The following TTC13 variants were observed in gnomAD, a reference collection of about 807,000 sequenced individuals.
TTC13 encodes the protein tetratricopeptide repeat protein 13.
Under a neutral mutation model 120.0 loss-of-function variants are expected in TTC13, and 62 were observed. The observed-to-expected ratio is 0.52, with a 90% CI of 0.42 to 0.64. The LOEUF (loss-of-function observed/expected upper bound fraction) is 0.64. Among genes scored for constraint, TTC13 ranks in the 30% least tolerant of loss-of-function variants. TTC13 has a pLI of 0.00. For missense variants in TTC13, 824 were observed against 1,050.2 expected, an observed-to-expected ratio of 0.78 and a Z score of 2.98; for synonymous variants, 384 against 393.5, an observed-to-expected ratio of 0.98 and a Z score of 0.28.
chr1:230,940,384 AG>A lies in TTC13; in HGVS notation c.789+55del. The A allele has an allele frequency of 3.4e-6, 4 of 1,170,648 alleles. No individual in the cohort carries two copies. Among genetic ancestry groups the A allele is most frequent in the Non-Finnish European group, 5.1e-6 (4 of 787,572 alleles). 72.5% of individuals were successfully genotyped at this position (1,170,648 alleles called of 1,614,324 possible). ...ATCAAAGAGTCACTTTCTGAGGTCAAGGGAAAAATGAAATCTTCATCATCAT... is the reference window on the plus strand; with the variant it reads ...ATCAAAGAGTCACTTTCTGAGGTCAAGGAAAAATGAAATCTTCATCATCAT... On this transcript the variant is annotated intron_variant, in intron 7 of 22. Transcript: ENST00000366661. This position sits in a 1 kb window ranked among gnomAD's most constrained non-coding sequence, Gnocchi z 4.1.
rs113833977 is a variant in TTC13 at position 230,943,248 on chromosome 1, T to A, written c.672+558A>T. 3.9e-3 allele frequency among the ~76,000 whole-genome samples: 590 copies of A among 152,280 alleles called. 6 individuals carry two copies. Among genetic ancestry groups the A allele is most frequent in the Admixed American group, 0.022 (330 of 15,284 alleles). On this transcript the variant is annotated intron_variant, in intron 6 of 22. Transcript: ENST00000366661. Reference sequence around the variant, plus strand: ...GTGTTATATTTTTTGTGTTTTTTTTTAAATTTTATTATTATTATACTTTAA... The same window carrying A: ...GTGTTATATTTTTTGTGTTTTTTTTAAAATTTTATTATTATTATACTTTAA...
chr1:230,947,769 G>A (rs9431618), intron 4 of TTC13, among the ~76,000 whole-genome samples: 9,142 of 152,132 alleles, frequency 0.06, 288 homozygotes, highest in Middle Eastern at 0.085. Flanking sequence ...ACAGAAAAAA[G>A]TTTACTCCAG....
intron 14 of TTC13, among the ~76,000 whole-genome samples, chr1:230,924,266 C>T (rs1196665618): frequency 6.6e-6 from 1 of 152,218 alleles, no homozygotes; most frequent in South Asian, 2.1e-4. Context: ...TGGATCTGTT[C>T]TTTCAAAGAG....
intron 17 of TTC13, 22 bp downstream of exon 17, chr1:230,920,488 G>A: frequency 1.3e-6 from 2 of 1,551,266 alleles, no homozygotes; most frequent in Non-Finnish European, 1.8e-6. Context: ...AACATGGACT[G>A]CCATTCTGAT....
At chr1:230,921,394 C>T (rs1221597171) in intron 16 of TTC13, 27 bp downstream of exon 16, 4 of 1,264,812 alleles carry the variant, frequency 3.2e-6, no homozygotes, top group Non-Finnish European at 4.5e-6. Context: ...CAACTCATTA[C>T]TAAGAAGGAG....
chr1:230,914,579 G>C (rs1374199612), intron 18 of TTC13, among the ~76,000 whole-genome samples: 2 of 152,064 alleles, frequency 1.3e-5, no homozygotes, highest in East Asian at 3.9e-4. Context: ...ATTTTTAGTA[G>C]AGATGGGATT....
At chr1:230,919,239 GGCAAGAGA>G (rs1672341741) in intron 17 of TTC13, among the ~76,000 whole-genome samples, 2 of 151,830 alleles carry the variant, frequency 1.3e-5, no homozygotes, top group South Asian at 4.2e-4. Flanking sequence ...ACCCAGTGTA[GGCAAGAGA>G]GCAAGACCCT....
At chr1:230,974,540 T>C (rs1678077197) in intron 1 of TTC13, among the ~76,000 whole-genome samples, 1 of 152,338 alleles carries the variant, frequency 6.6e-6, no homozygotes, top group Non-Finnish European at 1.5e-5. Flanking sequence ...CTAGAAGCAA[T>C]AGGCTATACC....
chr1:230,949,939 A>G (rs368023097), intron 4 of TTC13, among the ~76,000 whole-genome samples: 14 of 152,052 alleles, frequency 9.2e-5, no homozygotes, highest in South Asian at 4.1e-4. Context: ...CTGAGCCACC[A>G]CGCCCGGCCC....
intron 18 of TTC13, 44 bp from the exon 19 acceptor site, chr1:230,912,802 C>T: frequency 6.4e-7 from 1 of 1,562,952 alleles, no homozygotes; most frequent in Non-Finnish European, 8.6e-7. Context: ...ATTATAAGTT[C>T]AAACAGCCAA....
chr1:230,973,355 A>C (rs954431826), intron 1 of TTC13, among the ~76,000 whole-genome samples: 7 of 152,226 alleles, frequency 4.6e-5, no homozygotes, highest in Non-Finnish European at 1.0e-4. Flanking sequence ...CAGTGTTACC[A>C]ATTTTGTCAA....
rs767260768 is a variant in TTC13 at position 230,912,769 on chromosome 1, A to G, written c.2094-11T>C. 3.7e-6 allele frequency: 6 copies of G among 1,601,862 alleles called. No homozygotes were observed. Among genetic ancestry groups the G allele is most frequent in the Non-Finnish European group, 4.2e-6 (5 of 1,177,104 alleles). On this transcript the variant is annotated splice_polypyrimidine_tract_variant and intron_variant, in intron 18 of 22. Transcript: ENST00000366661. ...AATATATTGCCAACTCTGAAAATAC[A>G]AAAATAAGTGTGAAAGGCATGTATT...
chr1:230,975,365 C>T (rs1678176246), intron 1 of TTC13, among the ~76,000 whole-genome samples: 1 of 152,078 alleles, frequency 6.6e-6, no homozygotes, highest in Non-Finnish European at 1.5e-5. Context: ...CAGAGCAAGA[C>T]CCTGTCTCTA....
In TTC13 at chr1:230,921,443, C is replaced by A. The variant is rs1185807846; in HGVS notation, c.1876G>T (p.Asp626Tyr). The A allele has an allele frequency of 6.5e-7, 1 of 1,541,294 alleles. No individual in the cohort carries two copies. Among genetic ancestry groups the A allele is most frequent in the Admixed American group, 1.9e-5 (1 of 53,386 alleles). Residue 626 changes from aspartate (D) to tyrosine (Y), a missense_variant, in exon 16 of 23, where the codon GAC (aspartate) becomes TAC (tyrosine). Asp to Tyr is a radical substitution (Grantham distance 160). Around this residue, in one of 4 missense-constraint regions of TTC13, gnomAD observed 430 missense variants for 626.8 expected, o/e 0.69. Coordinates refer to ENST00000366661, the MANE Select transcript of TTC13 (RefSeq NM_024525.5). ...YFEKILHFIKDRILVYHGANN... is the reference protein window; with the variant it reads ...YFEKILHFIKYRILVYHGANN... ...TACCCATGATAAACAAGAATTCTGT[C>A]TTTAATAAAATGAAGTATTTTCTCA...
At chr1:230,911,072 C>T (rs1177148778) in intron 20 of TTC13, among the ~76,000 whole-genome samples, 7 of 151,964 alleles carry the variant, frequency 4.6e-5, no homozygotes, top group African/African-American at 1.7e-4. Flanking sequence ...GACTGTTGGC[C>T]CAAAAGTATA....
At chr1:230,945,267 T>TG (rs1674878181) in intron 5 of TTC13, 122 bp downstream of exon 5, 1 of 895,398 alleles carries the variant, frequency 1.1e-6, no homozygotes, top group African/African-American at 1.6e-5. Context: ...ATCTGTGAAC[T>TG]GGAATGATAG....
At chr1:230,917,065 G>A (rs1252322592) in intron 17 of TTC13, among the ~76,000 whole-genome samples, 2 of 152,022 alleles carry the variant, frequency 1.3e-5, no homozygotes, top group African/African-American at 2.4e-5. Flanking sequence ...TTCATGAGGG[G>A]AGAGCTTGTC....
At chr1:230,930,612 C>A (rs1157432434) in intron 11 of TTC13, among the ~76,000 whole-genome samples, 2 of 151,984 alleles carry the variant, frequency 1.3e-5, no homozygotes, top group Non-Finnish European at 2.9e-5. Context: ...TCAAAGATAC[C>A]AAGTTCACAT....
Position 230,920,546 on chromosome 1 carries a change from C to T in TTC13, c.1947G>A (p.Lys649=), listed in dbSNP as rs765931647. The change falls in exon 17 of 23, where the codon AAG becomes AAA. Residue 649 remains lysine, a synonymous_variant. Transcript: ENST00000366661. ...GAAGAAGGTCTTCTACTTTGTGTAC[C>T]TTTTCCAGGGCTTCCCGAACTTCCA... ...GLLEVREALE[K]VHKVEDLLPI... is the part of the protein sequence containing the mutation. The T allele has an allele frequency of 2.3e-5, 37 of 1,605,386 alleles. No individual in the cohort carries two copies. The highest frequency in any genetic ancestry group is 2.8e-5 in the Non-Finnish European group (33 of 1,176,842).
Sources: allele counts gnomAD v4.1 joint callset (sites outside exome capture counted in the v4.1 genomes callset), GRCh38; gene constraint gnomAD v4.1.1; regional missense constraint gnomAD v4.1.1; non-coding constraint Gnocchi (gnomAD v3.1); transcripts MANE v1.5; gene names NCBI Gene and HGNC (gene_info 2026-07-23, HGNC 2026-07-21).